Variants in TTBK2 observed in about 807,000 individuals in gnomAD.
TTBK2 encodes the protein tau-tubulin kinase 2.
In TTBK2, 28 loss-of-function variants were observed where a neutral mutation model predicts 110.8. The observed-to-expected ratio is 0.25, with a 90% CI of 0.19 to 0.35. TTBK2 has a LOEUF of 0.35. Ranked by LOEUF, TTBK2 falls within the 10% of genes least tolerant of loss-of-function variation. The pLI, the probability that TTBK2 is intolerant of heterozygous loss-of-function variation, is 1.00. For missense variants in TTBK2, 1,369 were observed against 1,500.3 expected, an observed-to-expected ratio of 0.91 and a Z score of 1.45; for synonymous variants, 532 against 527.3, an observed-to-expected ratio of 1.01 and a Z score of -0.12.
At chr15:42,808,864 A>T (rs982600709) in intron 9 of TTBK2, among the ~76,000 whole-genome samples, 1 of 152,216 alleles carries the variant, frequency 6.6e-6, no homozygotes, top group Non-Finnish European at 1.5e-5. Context: ...AAATTTTTTT[A>T]AATGAAGAAA....
At chr15:42,756,999 C>T (rs1203081938) in intron 13 of TTBK2, among the ~76,000 whole-genome samples, 1 of 152,178 alleles carries the variant, frequency 6.6e-6, no homozygotes, top group Non-Finnish European at 1.5e-5. Context: ...AAACTACTCT[C>T]ATATAATATT....
chr15:42,846,937 G>T (rs1893492434), intron 3 of TTBK2, among the ~76,000 whole-genome samples: 1 of 152,194 alleles, frequency 6.6e-6, no homozygotes, highest in Non-Finnish European at 1.5e-5. Flanking sequence ...AGAGGGCACA[G>T]AAGCTCCCCA....
At chr15:42,763,193 T>TATATATATATA (rs1567009144) in intron 13 of TTBK2, among the ~76,000 whole-genome samples, 13 of 3,364 alleles carry the variant, frequency 3.9e-3, no homozygotes, top group Admixed American at 6.0e-3. Context: ...TATATATATA[T>TATATATATATA]TTTTTTTTTT....
chr15:42,906,710 A>G (rs2030421097), intron 1 of TTBK2, among the ~76,000 whole-genome samples: 1 of 152,230 alleles, frequency 6.6e-6, no homozygotes, highest in African/African-American at 2.4e-5. Context: ...GCTTCCGCAC[A>G]GCAAAGGAAA....
In TTBK2 at chr15:42,827,991, T is replaced by C. The variant is rs778305663; in HGVS notation, c.474A>G (p.Lys158=). Residue 158 remains lysine, a synonymous_variant, in exon 6 of 15, where the codon AAA becomes AAG. Coordinates refer to ENST00000267890, the MANE Select transcript of TTBK2 (RefSeq NM_173500.4). ...AMGRFPSTCR[K]CYMLDFGLAR... is the part of the protein sequence containing the mutation. Reference sequence around the variant, plus strand: ...CCAAGCCAAAATCAAGCATGTAACATTTCCTACATGTACTAGGAAAGCGAC... The same window carrying C: ...CCAAGCCAAAATCAAGCATGTAACACTTCCTACATGTACTAGGAAAGCGAC... 3 of 1,613,518 alleles carry C rather than the reference T, an allele frequency of 1.9e-6. No individual in the cohort carries two copies. Among genetic ancestry groups the C allele is most frequent in the African/African-American group, 2.7e-5 (2 of 74,878 alleles).
intron 9 of TTBK2, 53 bp from the exon 10 acceptor site, chr15:42,794,854 T>C: frequency 6.3e-7 from 1 of 1,599,862 alleles, no homozygotes; most frequent in Non-Finnish European, 8.6e-7. Flanking sequence ...ATAGTCACTT[T>C]ATTCTATAAG....
At chr15:42,890,053 G>T (rs1002563975) in intron 1 of TTBK2, among the ~76,000 whole-genome samples, 5 of 152,186 alleles carry the variant, frequency 3.3e-5, no homozygotes, top group African/African-American at 9.7e-5. Flanking sequence ...ATCCACAAAA[G>T]AAGTGAAAAT....
At chr15:42,892,160 T>C (rs1353845738) in intron 1 of TTBK2, among the ~76,000 whole-genome samples, 2 of 152,200 alleles carry the variant, frequency 1.3e-5, no homozygotes, top group African/African-American at 4.8e-5. Context: ...CAAGCTAGTA[T>C]ATTCTAGCTT....
At chr15:42,771,290 T>C (rs573653735) in intron 13 of TTBK2, among the ~76,000 whole-genome samples, 3 of 152,098 alleles carry the variant, frequency 2.0e-5, no homozygotes, top group African/African-American at 4.8e-5. Flanking sequence ...TTCCTTAACC[T>C]TCCCAGAAAG....
chr15:42,801,043 A>G (rs751795421), intron 9 of TTBK2: 1 of 766,900 alleles, frequency 1.3e-6, no homozygotes, highest in Non-Finnish European at 2.4e-6. Context: ...ACGGCCCTGG[A>G]GGAGCTGGTG....
chr15:42,817,718 C>T (rs974921072), intron 6 of TTBK2, among the ~76,000 whole-genome samples: 8 of 152,224 alleles, frequency 5.3e-5, no homozygotes, highest in Non-Finnish European at 7.3e-5. Context: ...AAGCTTTTTA[C>T]TTAGCCTACA....
rs538233913 is a variant in TTBK2, at chr15:42,913,057, G to A, written c.-68+7381C>T. The stretch of plus-strand genomic sequence containing the variant: ...GGAGAATGGCGTGAACCCGGGAAGC[G>A]GAGCTTGCAGTGAGCCGAGATTGCG... On this transcript the variant is annotated intron_variant, in intron 1 of 14. Transcript: ENST00000267890. 1.8e-4 allele frequency among the ~76,000 whole-genome samples: 27 copies of A among 149,510 alleles called. No individual in the cohort carries two copies. The East Asian group carries it at 4.2e-3, about 23-fold the overall frequency.
At chr15:42,906,512 T>A (rs762545312) in intron 1 of TTBK2, among the ~76,000 whole-genome samples, 1 of 152,180 alleles carries the variant, frequency 6.6e-6, no homozygotes, top group Non-Finnish European at 1.5e-5. Context: ...TTTCACCATA[T>A]ACAAAAATCA....
intron 1 of TTBK2, among the ~76,000 whole-genome samples, chr15:42,898,813 G>C (rs1415390618): frequency 1.3e-5 from 2 of 152,198 alleles, no homozygotes; most frequent in African/African-American, 4.8e-5. Context: ...TTGAGATGTG[G>C]AGGTAAATAC....
intron 1 of TTBK2, among the ~76,000 whole-genome samples, chr15:42,887,049 C>T (rs759316293): frequency 3.3e-5 from 5 of 152,168 alleles, no homozygotes; most frequent in Admixed American, 6.5e-5. Flanking sequence ...TTAATCAATA[C>T]GGACGCTACC....
intron 2 of TTBK2, 141 bp downstream of exon 2, chr15:42,878,408 T>C (rs1894902075): frequency 6.7e-7 from 1 of 1,491,090 alleles, no homozygotes; most frequent in Non-Finnish European, 9.0e-7. Flanking sequence ...AAATAACTGC[T>C]TTAGGCATAT....
rs1407073688 is a variant in TTBK2 at position 42,749,637 on chromosome 15, T to G, written c.3272+2337A>C. Among the ~76,000 whole-genome samples, 7 of 152,334 alleles carry G rather than the reference T, an allele frequency of 4.6e-5. No individual in the cohort carries two copies. The East Asian group carries it at 1.2e-3, about 25-fold the overall frequency. Reference sequence around the variant, plus strand: ...AGAGAAAGAGGTAGGTAGTAACTCTTACATTTTTCCCCATTGTTACAAACT... The same window carrying G: ...AGAGAAAGAGGTAGGTAGTAACTCTGACATTTTTCCCCATTGTTACAAACT... On this transcript the variant is annotated intron_variant, in intron 14 of 14. Transcript: ENST00000267890.
chr15:42,785,460 C>T (rs1331749868), intron 10 of TTBK2, among the ~76,000 whole-genome samples: 5 of 151,976 alleles, frequency 3.3e-5, no homozygotes, highest in Non-Finnish European at 7.4e-5. Context: ...ACATGCAAGG[C>T]CCTAGCAACA....
chr15:42,785,565 A>G (rs1001570703), intron 10 of TTBK2, among the ~76,000 whole-genome samples: 8 of 152,102 alleles, frequency 5.3e-5, no homozygotes, highest in African/African-American at 1.9e-4. Context: ...TGGGGGAAAA[A>G]ATAGCAAATA....
Sources: gnomAD v4.1 joint callset for allele counts (sites outside exome capture counted in the v4.1 genomes callset) on GRCh38, gnomAD v4.1.1 for gene constraint, MANE v1.5 for transcripts, NCBI Gene and HGNC (gene_info 2026-07-23, HGNC 2026-07-21) for gene names.